ANKDD1A: variants seen among roughly 807,000 people sequenced by gnomAD.
ANKDD1A encodes the protein ankyrin repeat and death domain containing 1A.
ANKDD1A carries 59 observed loss-of-function variants against 63.5 expected under a neutral mutation model. The observed-to-expected ratio is 0.93, with a 90% CI of 0.75 to 1.15. The LOEUF is 1.15. Ranked by LOEUF, ANKDD1A falls within the 50% of genes most tolerant of loss-of-function variation. ANKDD1A has a pLI of 0.00. For synonymous variants in ANKDD1A, 266 were observed against 263.9 expected (o/e 1.01, Z -0.08); for missense variants, 632 against 656.4 (o/e 0.96, Z 0.41).
intron 1 of ANKDD1A, among the ~76,000 whole-genome samples, chr15:64,915,365 C>T (rs1443310658): frequency 1.3e-5 from 2 of 152,154 alleles, no homozygotes; most frequent in African/African-American, 2.4e-5. Flanking sequence ...TGGCCTCACC[C>T]GGCGCTGGCA....
Position 64,915,919 on chromosome 15 carries a change from T to G in ANKDD1A, c.138+19T>G. On this transcript the variant is annotated intron_variant, in intron 2 of 14. Transcript: ENST00000319580. ...AAACCACGTGCGTAATGAGCTTCTCTGAATCCAGGCACCTGGGATAGTGTC... is the reference window on the plus strand; with the variant it reads ...AAACCACGTGCGTAATGAGCTTCTCGGAATCCAGGCACCTGGGATAGTGTC... The G allele has an allele frequency of 6.2e-7, 1 of 1,608,380 alleles. No homozygotes were observed. The highest frequency in any genetic ancestry group is 8.5e-7 in the Non-Finnish European group (1 of 1,176,114).
intron 3 of ANKDD1A, among the ~76,000 whole-genome samples, chr15:64,921,133 G>A (rs1241230972): frequency 1.3e-5 from 2 of 151,642 alleles, no homozygotes; most frequent in Non-Finnish European, 2.9e-5. Context: ...TCCACGCCTG[G>A]CTTATTTTTA....
At position 64,951,425 on chromosome 15, in the gene ANKDD1A, TTCTTC is replaced by T. The variant is rs1343768575; in HGVS notation, c.1483+1455_1483+1459del. The T allele has an allele frequency of 8.5e-3, 1,228 of 143,994 alleles. 33 individuals carry two copies. Among genetic ancestry groups the T allele is most frequent in the African/African-American group, 0.036 (1,143 of 31,666 alleles). The allele number at this position is 143,994 out of a possible 1,614,324, so 8.9% of individuals were successfully genotyped here. ...TTTTCTTTTTTCTTTTCTTCCTCTT[TTCTTC>T]TTTTTCTTTCTTCTTCCCTTTCTTT... On this transcript the variant is annotated intron_variant, in intron 14 of 14. Coordinates refer to ENST00000319580, the MANE Select transcript of ANKDD1A (RefSeq NM_182703.6).
chr15:64,950,146 T>C (rs2085258286), intron 14 of ANKDD1A, 174 bp downstream of exon 14: 1 of 985,444 alleles, frequency 1.0e-6, no homozygotes, highest in Non-Finnish European at 1.2e-6. Flanking sequence ...CAGTGCCTCC[T>C]GGCCCTGGTT....
intron 1 of ANKDD1A, among the ~76,000 whole-genome samples, chr15:64,912,287 C>A (rs1251013283): frequency 2.0e-5 from 3 of 152,204 alleles, no homozygotes; most frequent in Non-Finnish European, 4.4e-5. Flanking sequence ...AGAGGCACGT[C>A]ATTTGATCTT....
intron 8 of ANKDD1A, among the ~76,000 whole-genome samples, chr15:64,933,201 G>A (rs932020222): frequency 3.9e-5 from 6 of 152,078 alleles, no homozygotes; most frequent in African/African-American, 1.4e-4. Flanking sequence ...CCAGGTACTC[G>A]CTCAGCTGGG....
At chr15:64,944,606 C>T in intron 11 of ANKDD1A, 46 bp from the exon 12 acceptor site, 1 of 1,569,772 alleles carries the variant, frequency 6.4e-7, no homozygotes, top group Non-Finnish European at 8.7e-7. Context: ...CCTTGTGTAC[C>T]CCTCCTGTAG....
chr15:64,952,005 TCTTC>T (rs1753171165), intron 14 of ANKDD1A, among the ~76,000 whole-genome samples: 1 of 150,844 alleles, frequency 6.6e-6, no homozygotes, highest in African/African-American at 2.4e-5. Flanking sequence ...TTTTCTTTCT[TCTTC>T]CATCTTCTAT....
At chr15:64,931,637 C>T in intron 8 of ANKDD1A, 52 bp downstream of exon 8, 1 of 1,581,216 alleles carries the variant, frequency 6.3e-7, no homozygotes. Context: ...TGAGCCATAG[C>T]CATGTCGGCA....
At chr15:64,951,706 A>ATTCTTTTTTCTTCGTTCTTCCT (rs1188766067) in intron 14 of ANKDD1A, among the ~76,000 whole-genome samples, 1 of 135,344 alleles carries the variant, frequency 7.4e-6, no homozygotes, top group Non-Finnish European at 1.6e-5. Context: ...CTTCTTCCTT[A>ATTCTTTTTTCTTCGTTCTTCCT]TTTTCTTTTT....
chr15:64,914,868 C>T (rs1467558805), intron 1 of ANKDD1A, among the ~76,000 whole-genome samples: 3 of 152,160 alleles, frequency 2.0e-5, no homozygotes, highest in African/African-American at 7.2e-5. Flanking sequence ...AGGGGGAGCT[C>T]TGAGGTTCCC....
chr15:64,945,904 T>A (rs893670589), intron 12 of ANKDD1A, among the ~76,000 whole-genome samples: 4 of 151,848 alleles, frequency 2.6e-5, no homozygotes, highest in Admixed American at 2.6e-4. Context: ...AGTGCTGGGA[T>A]TACAGGTGTG....
chr15:64,916,753 C>A (rs1424883589), intron 2 of ANKDD1A, among the ~76,000 whole-genome samples: 1 of 152,216 alleles, frequency 6.6e-6, no homozygotes, highest in East Asian at 1.9e-4. Context: ...TGCCTGAGAC[C>A]ACAGAGAAAA....
At chr15:64,924,049 G>A (rs1483564708) in intron 4 of ANKDD1A, among the ~76,000 whole-genome samples, 1 of 152,214 alleles carries the variant, frequency 6.6e-6, no homozygotes, top group African/African-American at 2.4e-5. Context: ...CCACAATTCT[G>A]TGGTTGGCGG....
chr15:64,929,415 C>T (rs941097250), intron 6 of ANKDD1A, among the ~76,000 whole-genome samples: 2 of 152,174 alleles, frequency 1.3e-5, no homozygotes, highest in African/African-American at 4.8e-5. Flanking sequence ...GCTATCTGCC[C>T]ACCTCAGCCT....
rs529321991 is a variant in ANKDD1A at position 64,935,419 on chromosome 15, G to T, written c.867+1185G>T. Among the ~76,000 whole-genome samples the T allele has an allele frequency of 5.3e-5, 8 of 151,084 alleles. 1 individual carries two copies. Among genetic ancestry groups the T allele is most frequent in the African/African-American group, 1.7e-4 (7 of 41,162 alleles). ...GGCCGGGTACAGTGGCTCACACCTG[G>T]AATCCCAGCACTTTGGGAGGCCGAG... On this transcript the variant is annotated intron_variant, in intron 9 of 14. Coordinates refer to ENST00000319580, the MANE Select transcript of ANKDD1A (RefSeq NM_182703.6).
At chr15:64,941,907 G>A (rs371376145) in intron 9 of ANKDD1A, among the ~76,000 whole-genome samples, 28 of 152,150 alleles carry the variant, frequency 1.8e-4, no homozygotes, top group African/African-American at 5.6e-4. Context: ...TACACAAATA[G>A]TTATCAGGTA....
At chr15:64,930,232 C>G (rs1434799891) in intron 6 of ANKDD1A, among the ~76,000 whole-genome samples, 4 of 148,882 alleles carry the variant, frequency 2.7e-5, no homozygotes, top group Non-Finnish European at 1.5e-5. Flanking sequence ...ACATTCTGCA[C>G]ACGTATCCCA....
At chr15:64,917,101 G>A (rs925895772) in intron 2 of ANKDD1A, among the ~76,000 whole-genome samples, 2 of 152,174 alleles carry the variant, frequency 1.3e-5, no homozygotes, top group Non-Finnish European at 2.9e-5. Context: ...ACCATGCAGC[G>A]CCTCATCATC....
Sources: allele counts gnomAD v4.1 joint callset (sites outside exome capture counted in the v4.1 genomes callset), GRCh38; gene constraint gnomAD v4.1.1; transcripts MANE v1.5; gene names NCBI Gene and HGNC (gene_info 2026-07-23, HGNC 2026-07-21).